Variants in NR2F1-AS1 observed in about 807,000 individuals in gnomAD.
The protein encoded by NR2F1-AS1 is NR2F1 antisense RNA 1.
chr5:93,432,219 T>C (rs1279621217), intron 4 of NR2F1-AS1: 4 of 152,154 alleles, frequency 2.6e-5, no homozygotes, highest in Admixed American at 2.6e-4. Context: ...TTATATATAG[T>C]CAATTCTTTT....
chr5:93,480,582 C>A (rs988287927), intron 4 of NR2F1-AS1, among the ~76,000 whole-genome samples: 2 of 152,114 alleles, frequency 1.3e-5, no homozygotes, highest in Non-Finnish European at 2.9e-5. Flanking sequence ...AAGGTAACTA[C>A]ATAGGTAAAT....
intron 4 of NR2F1-AS1, among the ~76,000 whole-genome samples, chr5:93,469,961 T>C (rs566672247): frequency 6.6e-6 from 1 of 152,066 alleles, no homozygotes; most frequent in African/African-American, 2.4e-5. Context: ...ACAACATATT[T>C]ATCAAAAGTA....
At chr5:93,511,366 T>C (rs1481957405) in intron 4 of NR2F1-AS1, among the ~76,000 whole-genome samples, 1 of 152,142 alleles carries the variant, frequency 6.6e-6, no homozygotes, top group Non-Finnish European at 1.5e-5. Context: ...CTCACCTGGT[T>C]CTCAGTCCTT....
intron 4 of NR2F1-AS1, among the ~76,000 whole-genome samples, chr5:93,444,775 A>T (rs924897613): frequency 6.6e-6 from 1 of 152,100 alleles, no homozygotes; most frequent in African/African-American, 2.4e-5. Flanking sequence ...TCGCACTTAT[A>T]CCAAAATTGA....
At chr5:93,458,534 A>C (rs1353777322) in intron 4 of NR2F1-AS1, among the ~76,000 whole-genome samples, 1 of 152,218 alleles carries the variant, frequency 6.6e-6, no homozygotes, top group Non-Finnish European at 1.5e-5. Flanking sequence ...TTCAAAATGT[A>C]TCATAGATTT....
chr5:93,551,870 A>ATTGACTCCAAG (rs796670861), intron 4 of NR2F1-AS1, among the ~76,000 whole-genome samples: 28 of 152,308 alleles, frequency 1.8e-4, no homozygotes, highest in African/African-American at 6.7e-4. Context: ...CACATTATAC[A>ATTGACTCCAAG]TTGACTCCAA....
intron 4 of NR2F1-AS1, among the ~76,000 whole-genome samples, chr5:93,450,819 T>G (rs930153501): frequency 5.3e-5 from 8 of 150,266 alleles, no homozygotes; most frequent in Non-Finnish European, 8.9e-5. Flanking sequence ...TCCCAGTACT[T>G]CGGGAGGGAT....
chr5:93,576,397 ATTGCTTATATC>A (rs1752895252), intron 1 of NR2F1-AS1, among the ~76,000 whole-genome samples: 1 of 149,894 alleles, frequency 6.7e-6, no homozygotes, highest in Non-Finnish European at 1.5e-5. Flanking sequence ...TTACTGTTCT[ATTGCTTATATC>A]AGTGGTGTCC....
At chr5:93,455,650 G>C (rs1179386478) in intron 4 of NR2F1-AS1, among the ~76,000 whole-genome samples, 1 of 152,082 alleles carries the variant, frequency 6.6e-6, no homozygotes, top group Admixed American at 6.6e-5. Flanking sequence ...GAAAGTTGGA[G>C]AGTATGTATT....
chr5:93,584,434 T>C (rs1270114432), upstream of NR2F1-AS1: 1 of 147,574 alleles, frequency 6.8e-6, no homozygotes, highest in Non-Finnish European at 1.5e-5. Context: ...TGAGCGACTG[T>C]GTGTGCGAGT....
At chr5:93,540,213 G>T (rs578057446) in intron 4 of NR2F1-AS1, among the ~76,000 whole-genome samples, 1 of 152,228 alleles carries the variant, frequency 6.6e-6, no homozygotes, top group African/African-American at 2.4e-5. Context: ...GGGATCTGGG[G>T]ATAAATGTGT....
chr5:93,447,489 T>G (rs1366459412), intron 4 of NR2F1-AS1, among the ~76,000 whole-genome samples: 1 of 152,030 alleles, frequency 6.6e-6, no homozygotes, highest in Non-Finnish European at 1.5e-5. Flanking sequence ...GAAATGCAAA[T>G]CAAAACCACA....
intron 4 of NR2F1-AS1, among the ~76,000 whole-genome samples, chr5:93,441,528 T>C (rs563226091): frequency 3.9e-5 from 6 of 152,192 alleles, no homozygotes; most frequent in Non-Finnish European, 7.3e-5. Flanking sequence ...CCAGTTTAAA[T>C]TGTCAGAGTT....
At chr5:93,465,884 T>C (rs979193377) in intron 4 of NR2F1-AS1, among the ~76,000 whole-genome samples, 1 of 121,962 alleles carries the variant, frequency 8.2e-6, no homozygotes, top group African/African-American at 3.3e-5. Flanking sequence ...TGAGAACACT[T>C]GGACACAGGA....
intron 2 of NR2F1-AS1, among the ~76,000 whole-genome samples, chr5:93,561,173 T>C (rs1203892808): frequency 2.6e-5 from 4 of 152,038 alleles, no homozygotes; most frequent in Non-Finnish European, 5.9e-5. Context: ...CTAGGGATGC[T>C]GAGGCAGGAG....
At chr5:93,440,511 A>G (rs1383090136) in intron 4 of NR2F1-AS1, among the ~76,000 whole-genome samples, 1 of 152,200 alleles carries the variant, frequency 6.6e-6, no homozygotes, top group Non-Finnish European at 1.5e-5. Context: ...TCAGACTTGT[A>G]CAAGACTGGA....
At chr5:93,573,084 C>G (rs879849907) in intron 1 of NR2F1-AS1, among the ~76,000 whole-genome samples, 14 of 152,214 alleles carry the variant, frequency 9.2e-5, no homozygotes, top group Admixed American at 8.5e-4. Flanking sequence ...GAAGTGACTC[C>G]GGAGTTGTGC....
chr5:93,418,892 T>C (rs965532678), intron 4 of NR2F1-AS1, among the ~76,000 whole-genome samples: 2 of 152,198 alleles, frequency 1.3e-5, no homozygotes, highest in East Asian at 1.9e-4. Context: ...TTCAATGTCA[T>C]AGCAAGAAAA....
intron 4 of NR2F1-AS1, among the ~76,000 whole-genome samples, chr5:93,435,150 T>C (rs1419450012): frequency 2.6e-5 from 4 of 152,228 alleles, no homozygotes; most frequent in African/African-American, 9.6e-5. Context: ...TTAATTGCTA[T>C]AGTGGTTGCA....
Sources: allele counts gnomAD v4.1 joint callset (sites outside exome capture counted in the v4.1 genomes callset), GRCh38; gene constraint gnomAD v4.1.1; transcripts MANE v1.5; gene names NCBI Gene and HGNC (gene_info 2026-07-23, HGNC 2026-07-21).